DLG2: variants seen among roughly 807,000 people sequenced by gnomAD.
DLG2 encodes disks large homolog 2.
A neutral mutation model predicts 132.5 loss-of-function variants in DLG2; 45 were observed. The ratio of observed to expected loss-of-function variants is 0.34; its 90% CI spans 0.27 to 0.44. DLG2 has a LOEUF of 0.44. DLG2 is among the 20% of genes least tolerant of loss of function. The pLI, the probability that DLG2 is intolerant of heterozygous loss-of-function variation, is 1.00. For missense variants in DLG2, 1,045 were observed against 1,196.9 expected, an observed-to-expected ratio of 0.87 and a Z score of 1.87; for synonymous variants, 424 against 419.6, an observed-to-expected ratio of 1.01 and a Z score of -0.13.
intron 3 of DLG2, among the ~76,000 whole-genome samples, chr11:85,401,098 T>G (rs191846369): frequency 3.2e-4 from 48 of 152,068 alleles, no homozygotes; most frequent in Non-Finnish European, 6.3e-4. Flanking sequence ...TATAAAATAC[T>G]GGCAAACCAA....
At chr11:85,529,143 G>A (rs1162253259) in intron 3 of DLG2, among the ~76,000 whole-genome samples, 3 of 152,152 alleles carry the variant, frequency 2.0e-5, no homozygotes, top group East Asian at 3.8e-4. Flanking sequence ...TTGAGAGGTC[G>A]TTTGCAAGTT....
intron 17 of DLG2, among the ~76,000 whole-genome samples, chr11:83,817,287 G>A (rs1330009435): frequency 1.3e-5 from 2 of 152,152 alleles, no homozygotes; most frequent in African/African-American, 4.8e-5. Context: ...GGAATGGCAA[G>A]AGAAGGCATT....
At chr11:83,631,167 C>CTTTTTTTTTTTTTTTTTTTTTTTTTTTT (rs57696126) in intron 19 of DLG2, 2 of 91,660 alleles carry the variant, frequency 2.2e-5, no homozygotes, top group Non-Finnish European at 2.1e-5. Flanking sequence ...TTGCTTCTTG[C>CTTTTTTTTTTTTTTTTTTTTTTTTTTTT]TTTTTTTTTT....
intron 19 of DLG2, chr11:83,631,167 C>CTTTTTTTT (rs57696126): frequency 4.7e-4 from 43 of 91,554 alleles, no homozygotes; most frequent in East Asian, 6.4e-4. Context: ...TTGCTTCTTG[C>CTTTTTTTT]TTTTTTTTTT....
chr11:84,332,990 G>A (rs1040236802), intron 7 of DLG2, among the ~76,000 whole-genome samples: 7 of 152,208 alleles, frequency 4.6e-5, no homozygotes, highest in African/African-American at 1.7e-4. Context: ...ATTCAGTTGA[G>A]TGGATGAGTA....
At chr11:84,820,794 A>G (rs1206731212) in intron 6 of DLG2, among the ~76,000 whole-genome samples, 1 of 151,012 alleles carries the variant, frequency 6.6e-6, no homozygotes, top group East Asian at 2.0e-4. Context: ...TTATGATCCT[A>G]TGGGATTTTC....
At chr11:85,038,333 G>A (rs538927501) in intron 6 of DLG2, among the ~76,000 whole-genome samples, 8 of 151,998 alleles carry the variant, frequency 5.3e-5, no homozygotes, top group South Asian at 4.2e-4. Context: ...ATACAACAAC[G>A]TTTTGACAGA....
rs142600772 is a variant in DLG2 at position 83,868,320 on chromosome 11, C to T, written c.1565+6100G>A. Among the ~76,000 whole-genome samples, 305 of 152,238 alleles carry T rather than the reference C, an allele frequency of 2.0e-3. 1 individual carries two copies. Among genetic ancestry groups the T allele is most frequent in the African/African-American group, 6.8e-3 (281 of 41,546 alleles). Reference sequence around the variant, plus strand: ...ACCCAGAACTTTCTTATTCAGGAGACAGGTCTGTCTTTATTGGACTATAAG... The same window carrying T: ...ACCCAGAACTTTCTTATTCAGGAGATAGGTCTGTCTTTATTGGACTATAAG... On this transcript the variant is annotated intron_variant, in intron 16 of 27. Coordinates refer to ENST00000376104, the MANE Select transcript of DLG2 (RefSeq NM_001142699.3).
chr11:84,338,112 T>G (rs1281393975), intron 7 of DLG2, among the ~76,000 whole-genome samples: 2 of 152,250 alleles, frequency 1.3e-5, no homozygotes, highest in African/African-American at 4.8e-5. Flanking sequence ...TATTTATTTG[T>G]TAATTCACAA....
In DLG2 at chr11:83,849,601, G is replaced by A. The variant is rs147592004; in HGVS notation, c.1566-15831C>T. On this transcript the variant is annotated intron_variant, in intron 16 of 27. Coordinates refer to ENST00000376104, the MANE Select transcript of DLG2 (RefSeq NM_001142699.3). ...AATTTCTAGATGGGGGTCTATGGAA[G>A]GTTTGCTGAAGGAGATCACACTTTA... Among the ~76,000 whole-genome samples the A allele has an allele frequency of 5.4e-3, 819 of 152,060 alleles. 3 individuals are homozygous for A. Among genetic ancestry groups the A allele is most frequent in the Admixed American group, 0.011 (172 of 15,270 alleles).
chr11:85,144,349 C>CTTT (rs35874789), intron 5 of DLG2, among the ~76,000 whole-genome samples: 1 of 138,060 alleles, frequency 7.2e-6, no homozygotes, highest in African/African-American at 2.6e-5. Context: ...ATAATTGGGT[C>CTTT]TTTTTTTTTT....
intron 14 of DLG2, among the ~76,000 whole-genome samples, chr11:83,932,031 C>G (rs2080336421): frequency 6.6e-6 from 1 of 152,124 alleles, no homozygotes; most frequent in African/African-American, 2.4e-5. Context: ...GATATCACAT[C>G]CAGTTTCTTT....
intron 7 of DLG2, among the ~76,000 whole-genome samples, chr11:84,374,217 CT>C (rs2098720207): frequency 6.6e-6 from 1 of 152,156 alleles, no homozygotes; most frequent in East Asian, 1.9e-4. Flanking sequence ...GCTCAGGGAA[CT>C]TTTTCCCCAA....
rs2097234502 is a variant in DLG2, at chr11:84,241,992, T to A, written c.573+9246A>T. Among the ~76,000 whole-genome samples, 3 of 152,210 alleles carry A rather than the reference T, an allele frequency of 2.0e-5. No homozygotes were observed. In the South Asian group the frequency reaches 6.2e-4, roughly 31 times the overall value. On this transcript the variant is annotated intron_variant, in intron 8 of 27. Transcript: ENST00000376104. Reference sequence around the variant, plus strand: ...TTGAGCAGCTTTATGCTTGAGAAGCTACACAAATATTTTTCAGGATTATTT... The same window carrying A: ...TTGAGCAGCTTTATGCTTGAGAAGCAACACAAATATTTTTCAGGATTATTT...
At chr11:84,615,433 G>T (rs1388339432) in intron 6 of DLG2, among the ~76,000 whole-genome samples, 1 of 151,996 alleles carries the variant, frequency 6.6e-6, no homozygotes, top group Non-Finnish European at 1.5e-5. Flanking sequence ...GCTGGAAAAG[G>T]TTTTTATTTC....
chr11:83,799,937 G>A (rs1830143764), intron 17 of DLG2, among the ~76,000 whole-genome samples: 1 of 152,266 alleles, frequency 6.6e-6, no homozygotes, highest in African/African-American at 2.4e-5. Flanking sequence ...TATACAAGAT[G>A]GGGATAATAA....
At chr11:84,070,291 T>C (rs1321827540) in intron 10 of DLG2, among the ~76,000 whole-genome samples, 1 of 152,190 alleles carries the variant, frequency 6.6e-6, no homozygotes, top group Non-Finnish European at 1.5e-5. Context: ...TTTTGTTTCA[T>C]GTTGCTTTCT....
At position 85,462,671 on chromosome 11, in the gene DLG2, G is replaced by A. The variant is rs376766777; in HGVS notation, c.40+135986C>T. On this transcript the variant is annotated intron_variant, in intron 3 of 27. Coordinates refer to ENST00000376104, the MANE Select transcript of DLG2 (RefSeq NM_001142699.3). ...TGTTGTGGGGTGGGGGGAGCGGGGA[G>A]GGATAGCATTAGGAGATATACCTAA... Among the ~76,000 whole-genome samples the A allele has an allele frequency of 4.8e-3, 725 of 152,196 alleles. 3 individuals carry two copies. Among genetic ancestry groups the A allele is most frequent in the Non-Finnish European group, 7.3e-3 (496 of 68,012 alleles).
chr11:83,463,313 G>T (rs2090398576), intron 26 of DLG2, among the ~76,000 whole-genome samples: 1 of 151,592 alleles, frequency 6.6e-6, no homozygotes, highest in African/African-American at 2.4e-5. Context: ...ACAAAGTAGT[G>T]AGAATTTCCT....
Sources: allele counts gnomAD v4.1 joint callset (sites outside exome capture counted in the v4.1 genomes callset), GRCh38; gene constraint gnomAD v4.1.1; transcripts MANE v1.5; gene names NCBI Gene and HGNC (gene_info 2026-07-23, HGNC 2026-07-21).